MYRF: variants seen among roughly 807,000 people sequenced by gnomAD.
MYRF encodes the protein myelin regulatory factor.
A neutral mutation model predicts 126.3 loss-of-function variants in MYRF; 16 were observed. The ratio of observed to expected loss-of-function variants is 0.13; its 90% CI spans 0.09 to 0.19. The LOEUF (loss-of-function observed/expected upper bound fraction) is 0.19, where lower values mean the gene tolerates loss of function less well. MYRF is among the 10% of genes least tolerant of loss of function. MYRF has a pLI of 1.00. For synonymous variants in MYRF, 608 were observed against 635.3 expected (o/e 0.96, Z 0.65); for missense variants, 1,104 against 1,547.0 (o/e 0.71, Z 4.80).
At chr11:61,771,439 T>A in intron 5 of MYRF, 61 bp from the exon 6 acceptor site, 3 of 1,568,844 alleles carry the variant, frequency 1.9e-6, no homozygotes, top group Non-Finnish European at 2.6e-6. Flanking sequence ...AGGTGGATAC[T>A]ACCCAGTGGG....
chr11:61,756,516 G>A lies in MYRF; in HGVS notation c.46+3726G>A, dbSNP rs573774493. Among the ~76,000 whole-genome samples the A allele has an allele frequency of 4.6e-5, 7 of 152,100 alleles. No individual in the cohort carries two copies. In the South Asian group the frequency reaches 1.2e-3, roughly 27 times the overall value. ...GTGCACCCAGGGAGTAAGTAGATGG[G>A]AGGGGTGGCCAGGCACAGGGTTTCC... On this transcript the variant is annotated intron_variant, in intron 1 of 26. Transcript: ENST00000278836.
Position 61,776,783 on chromosome 11 carries a change from C to T in MYRF, c.1500-4C>T, listed in dbSNP as rs1238364974. 1 of 1,593,414 alleles carries T rather than the reference C, an allele frequency of 6.3e-7. No individual in the cohort carries two copies. Among genetic ancestry groups the T allele is most frequent in the South Asian group, 1.1e-5 (1 of 87,502 alleles). On this transcript the variant is annotated splice_region_variant and splice_polypyrimidine_tract_variant and intron_variant, in intron 10 of 26. Transcript: ENST00000278836. This position sits in a 1 kb window ranked among gnomAD's most constrained non-coding sequence, Gnocchi z 4.3. The stretch of plus-strand genomic sequence containing the variant: ...AGTACTTCTGAGACCCCTGTGTGTC[C>T]CAGGTACTTCATGCTGGTGGTGGCC...
Position 61,763,295 on chromosome 11 carries a change from T to C in MYRF, c.47-2330T>C, listed in dbSNP as rs371840809. ...CTCTCTGAACAGGGGATGGTGATTA[T>C]GTTACCTATCTGAACATCCCCACTG... is the stretch of plus-strand genomic sequence containing the variant. On this transcript the variant is annotated intron_variant, in intron 1 of 26. Coordinates refer to ENST00000278836, the MANE Select transcript of MYRF (RefSeq NM_001127392.3). Among the ~76,000 whole-genome samples, 30 of 152,326 alleles carry C rather than the reference T, an allele frequency of 2.0e-4. 1 individual carries two copies. The highest frequency in any genetic ancestry group is 7.0e-4 in the African/African-American group (29 of 41,572).
intron 25 of MYRF, 128 bp downstream of exon 25, chr11:61,784,513 A>G: frequency 1.4e-6 from 1 of 727,718 alleles, no homozygotes; most frequent in Non-Finnish European, 2.2e-6. Flanking sequence ...CACAAGGGAC[A>G]CTCTGGGGCC....
intron 1 of MYRF, among the ~76,000 whole-genome samples, chr11:61,753,662 G>T (rs1365579129): frequency 6.7e-6 from 1 of 149,144 alleles, no homozygotes; most frequent in Non-Finnish European, 1.5e-5. Context: ...CCACTTGACC[G>T]AAAGGAGCCC....
chr11:61,761,893 G>A (rs915224903), intron 1 of MYRF, among the ~76,000 whole-genome samples: 1 of 152,260 alleles, frequency 6.6e-6, no homozygotes, highest in Non-Finnish European at 1.5e-5. Context: ...TGGGCACAGA[G>A]TGGCCACTGG....
chr11:61,777,170 G>C lies in MYRF; in HGVS notation c.1591-94G>C. 1 of 1,323,462 alleles carries C rather than the reference G, an allele frequency of 7.6e-7. No homozygotes were observed. The allele number at this position is 1,323,462 out of a possible 1,614,324, so 82.0% of individuals were successfully genotyped here. The stretch of plus-strand genomic sequence containing the variant: ...GTGCAGTGAGAAACCCTGGCTGGAA[G>C]GGGAGGGGCTGCTGTGGAGTTTCCC... On this transcript the variant is annotated intron_variant, in intron 11 of 26. Transcript: ENST00000278836. This position sits in a 1 kb window ranked among gnomAD's most constrained non-coding sequence, Gnocchi z 8.8.
chr11:61,770,622 C>T (rs949888432), intron 5 of MYRF, 97 bp downstream of exon 5: 31 of 1,225,684 alleles, frequency 2.5e-5, no homozygotes, highest in East Asian at 7.8e-5. Context: ...AGGTAGGGAC[C>T]GGGATGCACC....
At chr11:61,759,699 G>A (rs978595750) in intron 1 of MYRF, among the ~76,000 whole-genome samples, 2 of 151,986 alleles carry the variant, frequency 1.3e-5, no homozygotes, top group African/African-American at 2.4e-5. Context: ...AAAGAGAGGG[G>A]TCTCTGTAGG....
At chr11:61,761,509 T>C (rs1591082569) in intron 1 of MYRF, among the ~76,000 whole-genome samples, 1 of 152,072 alleles carries the variant, frequency 6.6e-6, no homozygotes, top group African/African-American at 2.4e-5. Context: ...TCCAGGCAGG[T>C]AATAAAGGGC....
At chr11:61,758,265 A>C (rs1189676297) in intron 1 of MYRF, among the ~76,000 whole-genome samples, 1 of 152,198 alleles carries the variant, frequency 6.6e-6, no homozygotes, top group East Asian at 1.9e-4. Flanking sequence ...ACCGGAGTGC[A>C]CAACCACAGC....
At chr11:61,782,097 T>TTA in intron 22 of MYRF, 1 of 394,728 alleles carries the variant, frequency 2.5e-6, no homozygotes, top group Non-Finnish European at 4.5e-6. Flanking sequence ...CTGCCCAGGG[T>TTA]TATACAGCCC....
intron 3 of MYRF, chr11:61,766,768 G>A (rs1169492984): frequency 3.0e-6 from 1 of 329,772 alleles, no homozygotes; most frequent in Non-Finnish European, 6.0e-6. Context: ...GCCTGGCTTT[G>A]ACCAAAGGTT....
Position 61,771,628 on chromosome 11 carries a change from C to A in MYRF, c.869C>A (p.Thr290Asn), listed in dbSNP as rs761179466. 3.7e-6 allele frequency: 6 copies of A among 1,614,012 alleles called. No homozygotes were observed. Among genetic ancestry groups the A allele is most frequent in the Middle Eastern group, 1.6e-4 (1 of 6,062 alleles). ...GTVTALPLHP[T>N]RAPSPPWPPQ... is the part of the protein sequence containing the mutation. ...GTGACAGCCCTGCCTCTGCACCCCA[C>A]TCGAGCCCCATCGCCACCCTGGCCT... Residue 290 changes from threonine (T) to asparagine (N), a missense_variant, in exon 6 of 27, where the codon ACT becomes AAT. Coordinates refer to ENST00000278836, the MANE Select transcript of MYRF (RefSeq NM_001127392.3).
Position 61,776,890 on chromosome 11 carries a change from T to G in MYRF, c.1590+13T>G. On this transcript the variant is annotated intron_variant, in intron 11 of 26. Transcript: ENST00000278836. The surrounding 1 kb of genome is among the most constrained non-coding windows in gnomAD (Gnocchi z 4.3). The stretch of plus-strand genomic sequence containing the variant: ...CATCATTGTGCGGGTGAGGGCCACC[T>G]CCTCCCAGGGCGTAGACAGCCCTCC... The G allele has an allele frequency of 6.3e-7, 1 of 1,587,728 alleles. No homozygotes were observed. Among genetic ancestry groups the G allele is most frequent in the East Asian group, 2.3e-5 (1 of 44,128 alleles).
At position 61,774,116 on chromosome 11, in the gene MYRF, G is replaced by A. The variant is rs758308224; in HGVS notation, c.1265G>A (p.Gly422Asp). The A allele has an allele frequency of 1.9e-6, 3 of 1,613,652 alleles. No individual in the cohort carries two copies. The highest frequency in any genetic ancestry group is 2.5e-6 in the Non-Finnish European group (3 of 1,179,830). The change falls in exon 8 of 27, where the codon GGC becomes GAC. Residue 422 changes from glycine (G) to aspartate (D), a missense_variant. Physicochemically the swap from Gly to Asp is moderately conservative, Grantham distance 94. Around this residue, in one of 10 missense-constraint regions of MYRF, gnomAD observed 36 missense variants for 47.5 expected, o/e 0.76. Coordinates refer to ENST00000278836, the MANE Select transcript of MYRF (RefSeq NM_001127392.3). ...CCCAAGTACGTCAAGACGCCCGAGGGCCTCAAGCCCCTCGACTGCTTCTAT... is the reference window on the plus strand; with the variant it reads ...CCCAAGTACGTCAAGACGCCCGAGGACCTCAAGCCCCTCGACTGCTTCTAT... ...GEPKYVKTPE[G>D]LKPLDCFYLK...
intron 3 of MYRF, chr11:61,767,568 G>A (rs2066099466): frequency 2.6e-6 from 1 of 381,326 alleles, no homozygotes; most frequent in Non-Finnish European, 5.2e-6. Flanking sequence ...GCACACACCT[G>A]TAATCCCAGC....
chr11:61,760,328 C>T (rs755195606), intron 1 of MYRF, among the ~76,000 whole-genome samples: 3 of 152,154 alleles, frequency 2.0e-5, no homozygotes, highest in South Asian at 2.1e-4. Context: ...CTGTGCCTTG[C>T]CCCCATGTAA....
chr11:61,752,995 C>A (rs904186776), intron 1 of MYRF, among the ~76,000 whole-genome samples: 1 of 152,104 alleles, frequency 6.6e-6, no homozygotes, highest in Non-Finnish European at 1.5e-5. Flanking sequence ...TGGGCTCCCC[C>A]TCCCCGCTCC....
Sources: gnomAD v4.1 joint callset for allele counts (sites outside exome capture counted in the v4.1 genomes callset) on GRCh38, gnomAD v4.1.1 for gene constraint, gnomAD v4.1.1 regional missense constraint, Gnocchi (gnomAD v3.1) non-coding constraint, MANE v1.5 for transcripts, NCBI Gene and HGNC (gene_info 2026-07-23, HGNC 2026-07-21) for gene names.